The following PHF8 variants were observed in gnomAD, a reference collection of about 807,000 sequenced individuals.
PHF8 encodes histone lysine demethylase PHF8.
PHF8 carries 9 observed loss-of-function variants against 74.4 expected under a neutral mutation model. That is an observed-to-expected ratio of 0.12 (90% CI 0.07 to 0.21). The LOEUF is 0.21. PHF8 is among the 10% of genes least tolerant of loss of function. PHF8 has a pLI of 1.00. For synonymous variants in PHF8, 311 were observed against 316.6 expected (o/e 0.98, Z 0.19); for missense variants, 478 against 816.6 (o/e 0.59, Z 5.05).
chrX:53,945,007 G>A (rs1557084730), intron 19 of PHF8, among the ~76,000 whole-genome samples: 2 of 109,780 alleles, frequency 1.8e-5, no homozygotes, highest in African/African-American at 6.6e-5. Context: ...CAGCGACACA[G>A]TGAAACTCTG....
intron 8 of PHF8, among the ~76,000 whole-genome samples, chrX:54,009,938 A>G (rs1164543941): frequency 2.8e-5 from 3 of 107,811 alleles, no homozygotes; most frequent in Admixed American, 1.0e-4. Flanking sequence ...TGACACAAAC[A>G]AAAGAGAAAG....
At chrX:54,003,399 G>A (rs2065853269) in intron 8 of PHF8, among the ~76,000 whole-genome samples, 1 of 111,800 alleles carries the variant, frequency 8.9e-6, no homozygotes, top group African/African-American at 3.2e-5. Context: ...GCTCATGCCT[G>A]TAATCCCAGC....
intron 7 of PHF8, among the ~76,000 whole-genome samples, chrX:54,013,690 C>T (rs1267225459): frequency 9.1e-6 from 1 of 109,570 alleles, no homozygotes; most frequent in Non-Finnish European, 1.9e-5. Context: ...TGGTGGTGGG[C>T]GCTTATAATC....
At chrX:53,995,541 A>C (rs2065733021) in intron 12 of PHF8, 152 bp downstream of exon 12, 1 of 479,862 alleles carries the variant, frequency 2.1e-6, no homozygotes, top group Non-Finnish European at 3.7e-6. Context: ...CTTGAAACAC[A>C]GTAATAATTA....
intron 6 of PHF8, among the ~76,000 whole-genome samples, chrX:54,015,299 G>A (rs1304762591): frequency 3.6e-5 from 4 of 111,100 alleles, no homozygotes; most frequent in East Asian, 2.8e-4. Flanking sequence ...CAACAGCGCC[G>A]GGCGCGGTGG....
chrX:54,019,419 C>T lies in PHF8; in HGVS notation c.294-1598G>A, dbSNP rs782055005. On this transcript the variant is annotated intron_variant, in intron 4 of 21. Transcript: ENST00000338154. ...TCAGGGCTGCAGTGAGTGGTGATTG[C>T]ACCACCCGACTCCAGCCTGTCTCAA... Among the ~76,000 whole-genome samples the T allele has an allele frequency of 4.7e-3, 514 of 109,978 alleles. 1 individual carries two copies. Among genetic ancestry groups the T allele is most frequent in the Non-Finnish European group, 8.2e-3 (430 of 52,655 alleles).
intron 7 of PHF8, among the ~76,000 whole-genome samples, chrX:54,013,333 G>A (rs1453252377): frequency 4.5e-5 from 5 of 111,170 alleles, no homozygotes; most frequent in African/African-American, 1.6e-4. Context: ...TGACTGTGGT[G>A]GCAGTTAAAT....
In PHF8 at chrX:54,007,748, A is replaced by C. The variant is rs868945055; in HGVS notation, c.946+3374T>G. Reference sequence around the variant, plus strand: ...TGGCTATAATCATAAAGAGACAGCAATAAGCATTGGGGGAAGATGTGAAGA... The same window carrying C: ...TGGCTATAATCATAAAGAGACAGCACTAAGCATTGGGGGAAGATGTGAAGA... On this transcript the variant is annotated intron_variant, in intron 8 of 21. Transcript: ENST00000338154. Among the ~76,000 whole-genome samples, 3 of 112,402 alleles carry C rather than the reference A, an allele frequency of 2.7e-5. No homozygotes were observed. In the Middle Eastern group the frequency reaches 0.014, roughly 516 times the overall value.
intron 6 of PHF8, among the ~76,000 whole-genome samples, chrX:54,016,145 T>C (rs1328890157): frequency 9.0e-6 from 1 of 111,442 alleles, no homozygotes; most frequent in African/African-American, 3.3e-5. Context: ...GCAGCTACCC[T>C]AGAAAATATA....
Position 54,022,294 on chromosome X carries a change from C to A in PHF8, c.258G>T (p.Thr86=), listed in dbSNP as rs144007511. The change falls in exon 4 of 22, where the codon ACG becomes ACT. Residue 86 remains threonine, a synonymous_variant. Coordinates refer to ENST00000338154, the MANE Select transcript of PHF8 (RefSeq NM_015107.3). ...TCCTACTCCGGAGCTCTCTGACGAACGTAGGGCTCCCGGTCTTCACTGGTT... is the reference window on the plus strand; with the variant it reads ...TCCTACTCCGGAGCTCTCTGACGAAAGTAGGGCTCCCGGTCTTCACTGGTT... The part of the protein sequence containing the change: ...KGKPVKTGSP[T]FVRELRSRTF... 4 of 1,203,150 alleles carry A rather than the reference C, an allele frequency of 3.3e-6. No individual in the cohort carries two copies. Among genetic ancestry groups the A allele is most frequent in the Middle Eastern group, 4.6e-4 (2 of 4,360 alleles).
At position 54,033,457 on chromosome X, in the gene PHF8, G is replaced by T. The variant is rs904645963; in HGVS notation, c.98+9174C>A. ...TCGCCGGGCACAGTGGCTCATGCCTGTAATCCCAGCACTTTGGGAGGCTGA... is the reference window on the plus strand; with the variant it reads ...TCGCCGGGCACAGTGGCTCATGCCTTTAATCCCAGCACTTTGGGAGGCTGA... On this transcript the variant is annotated intron_variant, in intron 2 of 21. Coordinates refer to ENST00000338154, the MANE Select transcript of PHF8 (RefSeq NM_015107.3). Among the ~76,000 whole-genome samples the T allele has an allele frequency of 2.7e-5, 3 of 112,212 alleles. 1 individual carries two copies. Among genetic ancestry groups the T allele is most frequent in the Non-Finnish European group, 5.6e-5 (3 of 53,271 alleles).
At chrX:54,026,094 C>T (rs1015481881) in intron 2 of PHF8, among the ~76,000 whole-genome samples, 1 of 111,659 alleles carries the variant, frequency 9.0e-6, no homozygotes, top group Non-Finnish European at 1.9e-5. Flanking sequence ...TGGCTCACGC[C>T]TGTAATCCCA....
At chrX:54,026,448 T>C (rs1362853418) in intron 2 of PHF8, among the ~76,000 whole-genome samples, 2 of 110,370 alleles carry the variant, frequency 1.8e-5, no homozygotes, top group Non-Finnish European at 3.8e-5. Context: ...TGTGGCTGTG[T>C]CAAATCTCTC....
intron 18 of PHF8, among the ~76,000 whole-genome samples, chrX:53,967,083 C>T (rs868990388): frequency 1.9e-4 from 21 of 110,712 alleles, no homozygotes; most frequent in Middle Eastern, 5.1e-3. Flanking sequence ...CGGCAGCCAC[C>T]CCGTCTGGGA....
chrX:53,965,913 A>G (rs1476748750), intron 18 of PHF8, among the ~76,000 whole-genome samples: 12 of 110,844 alleles, frequency 1.1e-4, no homozygotes, highest in Non-Finnish European at 1.9e-4. Flanking sequence ...ACGGGGGAAA[A>G]AAAAAGAGAA....
At chrX:53,956,675 CGTGTGTGTGTGTGTGT>C (rs376217153) in intron 19 of PHF8, among the ~76,000 whole-genome samples, 2 of 97,532 alleles carry the variant, frequency 2.1e-5, no homozygotes, top group Admixed American at 1.1e-4. Flanking sequence ...AAAATATGTG[CGTGTGTGTGTGTGTGT>C]GTGTGTGTGT....
chrX:53,980,761 C>T lies in PHF8; in HGVS notation c.2443+4153G>A, dbSNP rs190306142. The stretch of plus-strand genomic sequence containing the variant: ...AGAAAACGTAATACATAAAAAGATG[C>T]CAATTTTACGAACCAAAATAAAATT... On this transcript the variant is annotated intron_variant, in intron 18 of 21. Coordinates refer to ENST00000338154, the MANE Select transcript of PHF8 (RefSeq NM_015107.3). 1.6e-3 allele frequency among the ~76,000 whole-genome samples: 177 copies of T among 112,251 alleles called. 2 individuals carry two copies. Among genetic ancestry groups the T allele is most frequent in the Non-Finnish European group, 1.9e-3 (103 of 53,219 alleles).
intron 5 of PHF8, 31 bp from the exon 6 acceptor site, chrX:54,016,767 T>C (rs193199418): frequency 3.4e-6 from 4 of 1,159,537 alleles, no homozygotes; most frequent in Non-Finnish European, 4.7e-6. Flanking sequence ...CTGCACCAAG[T>C]AGTCTCAGGG....
chrX:53,968,663 CT>C (rs2065248463), intron 18 of PHF8, among the ~76,000 whole-genome samples: 1 of 112,515 alleles, frequency 8.9e-6, no homozygotes, highest in South Asian at 3.6e-4. Flanking sequence ...AATCCCAGCA[CT>C]TTGGAAGGCC....
Sources: allele counts gnomAD v4.1 joint callset (sites outside exome capture counted in the v4.1 genomes callset), GRCh38; gene constraint gnomAD v4.1.1; transcripts MANE v1.5; gene names NCBI Gene and HGNC (gene_info 2026-07-23, HGNC 2026-07-21).